The following THSD7B variants were observed in gnomAD, a reference collection of about 807,000 sequenced individuals.
The protein encoded by THSD7B is thrombospondin type-1 domain-containing protein 7B.
A neutral mutation model predicts 213.6 loss-of-function variants in THSD7B; 138 were observed. The ratio of observed to expected loss-of-function variants is 0.65; its 90% CI spans 0.56 to 0.74. The LOEUF is 0.74. Among genes scored for constraint, THSD7B ranks in the 30% least tolerant of loss-of-function variants. The pLI is 0.00. For missense variants in THSD7B, 1,931 were observed against 1,991.5 expected (o/e 0.97, Z 0.58); for synonymous variants, 742 against 687.0 (o/e 1.08, Z -1.25).
intron 14 of THSD7B, among the ~76,000 whole-genome samples, chr2:137,419,377 T>TTTTTTTTTTTTTGAGACG (rs1386654895): frequency 3.9e-5 from 3 of 77,178 alleles, no homozygotes; most frequent in African/African-American, 9.3e-5. Flanking sequence ...CCTGAGTTCT[T>TTTTTTTTTTTTTGAGACG]GTCCCACATC....
intron 3 of THSD7B, among the ~76,000 whole-genome samples, chr2:137,082,684 A>T (rs1229016226): frequency 6.6e-6 from 1 of 152,052 alleles, no homozygotes; most frequent in Admixed American, 6.6e-5. Flanking sequence ...AATGGCCAAG[A>T]CCTTCAGATG....
chr2:136,785,885 T>C (rs560025269), intron 1 of THSD7B, among the ~76,000 whole-genome samples: 21 of 152,290 alleles, frequency 1.4e-4, no homozygotes, highest in African/African-American at 5.1e-4. Context: ...TTATGAAGAT[T>C]AAATGTAGTA....
intron 1 of THSD7B, among the ~76,000 whole-genome samples, chr2:136,767,910 T>C (rs1007392614): frequency 6.6e-6 from 1 of 152,212 alleles, no homozygotes; most frequent in Non-Finnish European, 1.5e-5. Context: ...TTCTTAATCT[T>C]CTGGCCCATT....
intron 14 of THSD7B, among the ~76,000 whole-genome samples, chr2:137,417,254 G>A (rs148500328): frequency 1.3e-5 from 2 of 152,142 alleles, no homozygotes; most frequent in Admixed American, 6.5e-5. Flanking sequence ...TAGATTTGCT[G>A]TGTATGTATT....
At chr2:137,145,017 A>G (rs747736358) in intron 5 of THSD7B, among the ~76,000 whole-genome samples, 1 of 152,050 alleles carries the variant, frequency 6.6e-6, no homozygotes, top group Non-Finnish European at 1.5e-5. Flanking sequence ...CATTCATTGT[A>G]AGATTCAAGG....
At chr2:137,673,173 GGCTT>G (rs1433028993) in intron 27 of THSD7B, among the ~76,000 whole-genome samples, 1 of 152,204 alleles carries the variant, frequency 6.6e-6, no homozygotes, top group Non-Finnish European at 1.5e-5. Context: ...AAGTGCCAGA[GGCTT>G]GCTTGTCAGT....
At chr2:136,768,855 G>A (rs762511237) in intron 1 of THSD7B, among the ~76,000 whole-genome samples, 1 of 152,166 alleles carries the variant, frequency 6.6e-6, no homozygotes, top group African/African-American at 2.4e-5. Context: ...TTAACACCAG[G>A]CAGCTTCCTA....
intron 5 of THSD7B, among the ~76,000 whole-genome samples, chr2:137,123,783 A>G (rs909731077): frequency 3.3e-5 from 5 of 151,882 alleles, no homozygotes; most frequent in Admixed American, 3.3e-4. Flanking sequence ...TTTCTCCCTC[A>G]GTCTCATTTC....
At chr2:137,039,319 T>C (rs933181774) in intron 2 of THSD7B, among the ~76,000 whole-genome samples, 4 of 152,184 alleles carry the variant, frequency 2.6e-5, no homozygotes, top group Admixed American at 2.6e-4. Flanking sequence ...GATTAAACGA[T>C]ATATTAATAG....
chr2:137,469,350 C>A (rs1347074025), intron 15 of THSD7B, among the ~76,000 whole-genome samples: 2 of 152,140 alleles, frequency 1.3e-5, no homozygotes, highest in Non-Finnish European at 2.9e-5. Context: ...ATTCTGAATT[C>A]AATATGCGAT....
At chr2:137,378,076 A>G (rs1204693948) in intron 12 of THSD7B, among the ~76,000 whole-genome samples, 1 of 152,186 alleles carries the variant, frequency 6.6e-6, no homozygotes, top group African/African-American at 2.4e-5. Context: ...AAGAAAGTCA[A>G]CTGAAATAAA....
intron 27 of THSD7B, among the ~76,000 whole-genome samples, chr2:137,673,706 GTTC>G (rs2104833138): frequency 6.6e-6 from 1 of 152,276 alleles, no homozygotes; most frequent in Admixed American, 6.5e-5. Context: ...TCCTCCTGAG[GTTC>G]TTTTTTACTG....
intron 2 of THSD7B, among the ~76,000 whole-genome samples, chr2:136,956,913 C>T (rs1031336733): frequency 6.6e-6 from 1 of 151,982 alleles, no homozygotes; most frequent in East Asian, 1.9e-4. Flanking sequence ...CTTCTGATCT[C>T]GTGATCTGCC....
At chr2:137,245,405 G>A (rs1179050498) in intron 10 of THSD7B, among the ~76,000 whole-genome samples, 1 of 152,142 alleles carries the variant, frequency 6.6e-6, no homozygotes, top group Non-Finnish European at 1.5e-5. Flanking sequence ...TAGTTGTATA[G>A]TTTGCACCTG....
Position 137,240,078 on chromosome 2 carries a change from G to A in THSD7B, c.2151-2379G>A, listed in dbSNP as rs145853121. Among the ~76,000 whole-genome samples the A allele has an allele frequency of 9.2e-5, 14 of 152,270 alleles. No individual in the cohort carries two copies. The East Asian group carries it at 2.5e-3, about 27-fold the overall frequency. ...CCGATGTTTTCACTTTGGGGGTTAG[G>A]TTTCAACATATAGATTTTGGGAGGG... On this transcript the variant is annotated intron_variant, in intron 9 of 27. Coordinates refer to ENST00000409968, the MANE Select transcript of THSD7B (RefSeq NM_001316349.2).
intron 2 of THSD7B, among the ~76,000 whole-genome samples, chr2:137,021,855 T>G (rs1005459802): frequency 8.5e-5 from 13 of 152,194 alleles, no homozygotes; most frequent in African/African-American, 3.1e-4. Flanking sequence ...TCATTCTGAG[T>G]CTAGTGTCTT....
intron 27 of THSD7B, among the ~76,000 whole-genome samples, chr2:137,675,262 T>A (rs1293282288): frequency 1.3e-5 from 2 of 152,028 alleles, no homozygotes; most frequent in African/African-American, 4.8e-5. Flanking sequence ...ATGGTGATGG[T>A]ACACATGCTG....
intron 14 of THSD7B, among the ~76,000 whole-genome samples, chr2:137,443,214 T>G (rs1001438643): frequency 6.6e-6 from 1 of 152,116 alleles, no homozygotes; most frequent in African/African-American, 2.4e-5. Context: ...TAAGAACAAC[T>G]GAGATACCAT....
chr2:137,656,935 C>T lies in THSD7B; in HGVS notation c.4245C>T (p.Cys1415=), dbSNP rs376791008. ...IIQSFENQDS[C]PQQVLETRPC... ...AGTCTTTTGAGAACCAAGACAGCTG[C>T]CCCCAACAGGTTCTAGAAACACGCC... The change falls in exon 23 of 28, where the codon TGC becomes TGT. Residue 1415 remains cysteine, a synonymous_variant. Transcript: ENST00000409968. 194 of 1,613,980 alleles carry T rather than the reference C, an allele frequency of 1.2e-4. No individual in the cohort carries two copies. In the African/African-American group the frequency reaches 2.4e-3, roughly 20 times the overall value.
Sources: gnomAD v4.1 joint callset for allele counts (sites outside exome capture counted in the v4.1 genomes callset) on GRCh38, gnomAD v4.1.1 for gene constraint, MANE v1.5 for transcripts, NCBI Gene and HGNC (gene_info 2026-07-23, HGNC 2026-07-21) for gene names.